LPCAT3: variants seen among roughly 807,000 people sequenced by gnomAD.
The protein encoded by LPCAT3 is lysophospholipid acyltransferase 5.
LPCAT3 carries 21 observed loss-of-function variants against 63.4 expected under a neutral mutation model. The ratio of observed to expected loss-of-function variants is 0.33; its 90% CI spans 0.23 to 0.48. The LOEUF (loss-of-function observed/expected upper bound fraction) is 0.48. LPCAT3 is among the 20% of genes least tolerant of loss of function. The probability of loss-of-function intolerance (pLI) is 0.99; values close to 1 mark genes in which losing one functional copy is unlikely to be tolerated. For synonymous variants in LPCAT3, 242 were observed against 227.5 expected, an observed-to-expected ratio of 1.06 and a Z score of -0.58; for missense variants, 451 against 590.6, an observed-to-expected ratio of 0.76 and a Z score of 2.45.
intron 1 of LPCAT3, among the ~76,000 whole-genome samples, chr12:7,008,752 A>C (rs1242000990): frequency 3.4e-5 from 5 of 146,440 alleles, no homozygotes; most frequent in Non-Finnish European, 6.0e-5. Flanking sequence ...ACTCCATCTC[A>C]AAAAAAAAAC....
chr12:6,987,280 C>G lies in LPCAT3; in HGVS notation c.152-3741G>C, dbSNP rs1404134440. ...GTGTTTAGTAAATGCCTGCTATATG[C>G]CAGGTATTCTGTTTATGAAGCACGT... On this transcript the variant is annotated intron_variant, in intron 1 of 12. Coordinates refer to ENST00000261407, the MANE Select transcript of LPCAT3 (RefSeq NM_005768.6). The surrounding 1 kb of genome is among the most constrained non-coding windows in gnomAD (Gnocchi z 4.1). 6.6e-6 allele frequency among the ~76,000 whole-genome samples: 1 copy of G among 152,078 alleles called. No individual in the cohort carries two copies. Among genetic ancestry groups the G allele is most frequent in the Non-Finnish European group, 1.5e-5 (1 of 68,022 alleles).
chr12:6,996,883 C>G (rs1373165565), intron 1 of LPCAT3, among the ~76,000 whole-genome samples: 1 of 152,090 alleles, frequency 6.6e-6, no homozygotes, highest in African/African-American at 2.4e-5. Flanking sequence ...GTAGTAAAGA[C>G]ACAGCGGTAG....
chr12:6,986,374 GTTTAC>G (rs1417516049), intron 1 of LPCAT3, among the ~76,000 whole-genome samples: 3 of 152,014 alleles, frequency 2.0e-5, no homozygotes, highest in Admixed American at 1.3e-4. Flanking sequence ...CTTTTCTATA[GTTTAC>G]TTTATGGTAA....
At chr12:7,013,637 C>T (rs960065941) in intron 1 of LPCAT3, among the ~76,000 whole-genome samples, 3 of 152,196 alleles carry the variant, frequency 2.0e-5, no homozygotes, top group Non-Finnish European at 4.4e-5. Context: ...GTGTAGATGA[C>T]TGTGTCTACA....
chr12:7,009,322 A>G (rs1454396560), intron 1 of LPCAT3, among the ~76,000 whole-genome samples: 1 of 152,198 alleles, frequency 6.6e-6, no homozygotes, highest in African/African-American at 2.4e-5. Flanking sequence ...CGGCCTCCCA[A>G]AGTGCTGGGA....
chr12:7,007,493 C>CTTTTT (rs1161030834), intron 1 of LPCAT3, among the ~76,000 whole-genome samples: 12 of 121,696 alleles, frequency 9.9e-5, no homozygotes, highest in African/African-American at 1.7e-4. Flanking sequence ...TTGACAAAAG[C>CTTTTT]TTTTTTTTTT....
At chr12:6,991,763 G>A (rs1344308222) in intron 1 of LPCAT3, among the ~76,000 whole-genome samples, 3 of 152,030 alleles carry the variant, frequency 2.0e-5, no homozygotes, top group Non-Finnish European at 2.9e-5. Context: ...AATGGTGGTC[G>A]GTGAAAAAAG....
intron 1 of LPCAT3, 139 bp from the exon 2 acceptor site, chr12:6,983,678 G>A: frequency 1.6e-6 from 1 of 615,504 alleles, no homozygotes; most frequent in Non-Finnish European, 2.9e-6. Context: ...GATGGCAACA[G>A]AGAAGGCAAT....
intron 1 of LPCAT3, among the ~76,000 whole-genome samples, chr12:7,010,273 T>G (rs151208863): frequency 2.3e-4 from 35 of 152,174 alleles, no homozygotes; most frequent in Non-Finnish European, 3.8e-4. Flanking sequence ...ACAGACAGGG[T>G]CTTACTCTTC....
rs1946413538 is a variant in LPCAT3 at position 6,977,171 on chromosome 12, T to A, written c.1439A>T (p.Lys480Ile). The change falls in exon 12 of 13, where the codon AAA (lysine) becomes ATA (isoleucine). Residue 480 changes from lysine to isoleucine, a missense_variant. Physicochemically the swap from Lys to Ile is moderately radical, Grantham distance 102 (BLOSUM62 -3). Coordinates refer to ENST00000261407, the MANE Select transcript of LPCAT3 (RefSeq NM_005768.6). The surrounding 1 kb of genome is among the most constrained non-coding windows in gnomAD (Gnocchi z 4.5). ...PYIHKAMVPR[K>I]EKLKKME The stretch of plus-strand genomic sequence containing the variant: ...TTATTCCATCTTCTTTAACTTCTCT[T>A]TCCTTGGCACCATTGCTTTGTGAAT... 1.2e-6 allele frequency: 2 copies of A among 1,612,368 alleles called. No homozygotes were observed. Among genetic ancestry groups the A allele is most frequent in the Non-Finnish European group, 1.7e-6 (2 of 1,178,456 alleles).
intron 1 of LPCAT3, among the ~76,000 whole-genome samples, chr12:7,007,118 A>G (rs782229826): frequency 6.6e-6 from 1 of 151,936 alleles, no homozygotes; most frequent in African/African-American, 2.4e-5. Context: ...ATCTCGGCTC[A>G]CTGCAACCTC....
chr12:6,989,957 G>T (rs1189074646), intron 1 of LPCAT3, among the ~76,000 whole-genome samples: 1 of 151,898 alleles, frequency 6.6e-6, no homozygotes, highest in Non-Finnish European at 1.5e-5. Flanking sequence ...AGAATCACTG[G>T]AACCCAGGAG....
intron 7 of LPCAT3, chr12:6,978,981 G>A (rs1946439869): frequency 2.5e-6 from 1 of 404,144 alleles, no homozygotes; most frequent in Non-Finnish European, 4.5e-6. Context: ...CATTTGGAAT[G>A]TTAAGTACAG....
At chr12:6,989,114 C>T (rs1555155151) in intron 1 of LPCAT3, among the ~76,000 whole-genome samples, 1 of 150,638 alleles carries the variant, frequency 6.6e-6, no homozygotes, top group East Asian at 1.9e-4. Context: ...AAGAGCGAAA[C>T]TCCATCTCAA....
At chr12:6,990,853 G>A (rs1480588742) in intron 1 of LPCAT3, among the ~76,000 whole-genome samples, 1 of 146,612 alleles carries the variant, frequency 6.8e-6, no homozygotes, top group Non-Finnish European at 1.5e-5. Context: ...GGAGGTGGGG[G>A]TTGTAGTGAG....
intron 1 of LPCAT3, among the ~76,000 whole-genome samples, chr12:7,010,278 C>T (rs1482039585): frequency 6.6e-6 from 1 of 152,148 alleles, no homozygotes; most frequent in East Asian, 1.9e-4. Flanking sequence ...CAGGGTCTTA[C>T]TCTTCCTGAT....
chr12:6,984,115 TG>T (rs2138335514), intron 1 of LPCAT3, among the ~76,000 whole-genome samples: 1 of 152,232 alleles, frequency 6.6e-6, no homozygotes, highest in East Asian at 1.9e-4. Flanking sequence ...GGCTAAATAC[TG>T]GAATTGCTGA....
At chr12:6,981,356 G>T in intron 5 of LPCAT3, 174 bp from the exon 6 acceptor site, 1 of 669,312 alleles carries the variant, frequency 1.5e-6, no homozygotes, top group Non-Finnish European at 2.6e-6. Context: ...TGCATAGCTG[G>T]CTGTTGCTGC....
In LPCAT3 at chr12:6,987,389, G is replaced by A. The variant is rs1172806734; in HGVS notation, c.152-3850C>T. 1.3e-5 allele frequency among the ~76,000 whole-genome samples: 2 copies of A among 152,176 alleles called. No individual in the cohort carries two copies. The highest frequency in any genetic ancestry group is 4.8e-5 in the African/African-American group (2 of 41,436). On this transcript the variant is annotated intron_variant, in intron 1 of 12. Transcript: ENST00000261407. This position sits in a 1 kb window ranked among gnomAD's most constrained non-coding sequence, Gnocchi z 4.1. ...ATAGGATCACTAGCTCTAGGGAGGT[G>A]GAGACATCTATGACCCTTTCAGGTA... is the stretch of plus-strand genomic sequence containing the variant.
Sources: gnomAD v4.1 joint callset for allele counts (sites outside exome capture counted in the v4.1 genomes callset) on GRCh38, gnomAD v4.1.1 for gene constraint, Gnocchi (gnomAD v3.1) non-coding constraint, MANE v1.5 for transcripts, NCBI Gene and HGNC (gene_info 2026-07-23, HGNC 2026-07-21) for gene names.